Variants in EYS observed in about 807,000 individuals in gnomAD.
The protein encoded by EYS is EGF-like photoreceptor maintenance factor, also known as protein eyes shut homolog.
In EYS, 250 loss-of-function variants were observed where a neutral mutation model predicts 282.1. The observed-to-expected ratio is 0.89, with a 90% CI of 0.80 to 0.98. The LOEUF (loss-of-function observed/expected upper bound fraction) is 0.98. Among genes scored for constraint, EYS ranks in the 50% least tolerant of loss-of-function variants. The pLI is 0.00. For missense variants in EYS, 4,016 were observed against 3,709.0 expected (o/e 1.08, Z -2.15); for synonymous variants, 1,355 against 1,282.9 (o/e 1.06, Z -1.20).
intron 26 of EYS, among the ~76,000 whole-genome samples, chr6:64,553,557 C>T (rs914169669): frequency 7.3e-6 from 1 of 137,102 alleles, no homozygotes; most frequent in African/African-American, 2.7e-5. Context: ...CCCCCCCCCC[C>T]CATAGGCAGT....
At chr6:64,231,790 T>G (rs1766433000) in intron 30 of EYS, among the ~76,000 whole-genome samples, 1 of 152,174 alleles carries the variant, frequency 6.6e-6, no homozygotes, top group Admixed American at 6.5e-5. Context: ...TTTGTTGAAT[T>G]AATGTGTTCA....
chr6:64,949,609 G>T (rs1583322297), intron 14 of EYS, among the ~76,000 whole-genome samples: 1 of 151,812 alleles, frequency 6.6e-6, no homozygotes. Context: ...CTTATTGGGG[G>T]TGTTAATAAC....
chr6:63,762,490 A>G lies in EYS; in HGVS notation c.8042T>C (p.Leu2681Pro). The G allele has an allele frequency of 6.5e-7, 1 of 1,550,232 alleles. No homozygotes were observed. Among genetic ancestry groups the G allele is most frequent in the Non-Finnish European group, 8.7e-7 (1 of 1,145,942 alleles). Reference sequence around the variant, plus strand: ...TTCACAGTAGATTCCAGTGGTTCCTAGAGGACAGAAACAGGTGTATCCATG... The same window carrying G: ...TTCACAGTAGATTCCAGTGGTTCCTGGAGGACAGAAACAGGTGTATCCATG... ...LPHGYTCFCP[L>P]GTTGIYCEQA... The change falls in exon 41 of 43, where the codon CTA becomes CCA. Residue 2681 changes from leucine (L) to proline (P), a missense_variant. Physicochemically the swap from Leu to Pro is moderately conservative, Grantham distance 98. Coordinates refer to ENST00000503581, the MANE Select transcript of EYS (RefSeq NM_001142800.2).
At chr6:65,663,656 T>G (rs1768085678) in intron 1 of EYS, among the ~76,000 whole-genome samples, 1 of 152,058 alleles carries the variant, frequency 6.6e-6, no homozygotes, top group African/African-American at 2.4e-5. Context: ...TGTAGATACA[T>G]CATTAGTAGA....
chr6:65,443,166 G>GTA (rs1218884425), intron 5 of EYS, among the ~76,000 whole-genome samples: 1 of 143,298 alleles, frequency 7.0e-6, no homozygotes, highest in Non-Finnish European at 1.6e-5. Context: ...ACATATATGA[G>GTA]CACATATGTG....
intron 33 of EYS, among the ~76,000 whole-genome samples, chr6:64,054,969 A>G (rs1034395748): frequency 6.6e-6 from 1 of 152,190 alleles, no homozygotes; most frequent in Non-Finnish European, 1.5e-5. Context: ...AAAACTTAAC[A>G]GACACTTATT....
At chr6:64,647,546 A>G (rs1768399212) in intron 22 of EYS, among the ~76,000 whole-genome samples, 1 of 152,204 alleles carries the variant, frequency 6.6e-6, no homozygotes, top group Admixed American at 6.5e-5. Context: ...AATCACTACA[A>G]AGGAAAGATG....
intron 14 of EYS, among the ~76,000 whole-genome samples, chr6:64,958,689 C>A: frequency 7.3e-6 from 1 of 136,136 alleles, no homozygotes; most frequent in Non-Finnish European, 1.5e-5. Context: ...GAGCGGAGAT[C>A]GCGCCACAGC....
intron 12 of EYS, among the ~76,000 whole-genome samples, chr6:65,114,645 T>C (rs1268622149): frequency 6.6e-6 from 1 of 151,906 alleles, no homozygotes; most frequent in Non-Finnish European, 1.5e-5. Context: ...CTTTCTTGGA[T>C]ACCATTCTTT....
At chr6:64,833,773 C>T (rs558366182) in intron 19 of EYS, among the ~76,000 whole-genome samples, 1 of 151,822 alleles carries the variant, frequency 6.6e-6, no homozygotes, top group South Asian at 2.1e-4. Flanking sequence ...GCACTGAAAT[C>T]TTTCTTTTAT....
intron 2 of EYS, among the ~76,000 whole-genome samples, chr6:65,569,726 C>A (rs191517463): frequency 9.9e-5 from 15 of 152,218 alleles, no homozygotes; most frequent in Non-Finnish European, 1.5e-4. Context: ...AGCTTTGATT[C>A]CCTCTGATTT....
intron 31 of EYS, among the ~76,000 whole-genome samples, chr6:64,173,971 T>C (rs1056355822): frequency 2.0e-5 from 3 of 152,156 alleles, no homozygotes; most frequent in African/African-American, 7.2e-5. Flanking sequence ...ATATATATGA[T>C]GAAGCATTAT....
intron 5 of EYS, among the ~76,000 whole-genome samples, chr6:65,464,561 T>C (rs954551919): frequency 1.3e-5 from 2 of 152,152 alleles, no homozygotes; most frequent in African/African-American, 4.8e-5. Context: ...TCTCATCATC[T>C]AAAAGAAAGT....
chr6:65,477,782 T>C (rs1765464647), intron 5 of EYS, among the ~76,000 whole-genome samples: 2 of 152,200 alleles, frequency 1.3e-5, no homozygotes, highest in Admixed American at 1.3e-4. Context: ...ATTTCATTTT[T>C]AAGAAATGAT....
At position 65,495,025 on chromosome 6, in the gene EYS, C is replaced by A. The variant is rs1224551754; in HGVS notation, c.386G>T (p.Arg129Ile). ...TTEDQLLFGC[R>I]LKGMHTVNSK... ...ATTAACAGTGTGCATTCCTTTTAGT[C>A]TGCAGCCAAAAAGTAACTGATCTTC... Residue 129 changes from arginine (R) to isoleucine (I), a missense_variant, in exon 4 of 43, where the codon AGA (arginine) becomes ATA (isoleucine). Physicochemically the swap from Arg to Ile is moderately conservative, Grantham distance 97. Coordinates refer to ENST00000503581, the MANE Select transcript of EYS (RefSeq NM_001142800.2). The A allele has an allele frequency of 2.5e-6, 4 of 1,614,092 alleles. No homozygotes were observed. The highest frequency in any genetic ancestry group is 2.2e-5 in the East Asian group (1 of 44,888).
At chr6:65,277,388 A>G (rs1479288134) in intron 12 of EYS, among the ~76,000 whole-genome samples, 2 of 150,994 alleles carry the variant, frequency 1.3e-5, no homozygotes, top group Non-Finnish European at 3.0e-5. Flanking sequence ...AGCTGAGATC[A>G]TGCCACTGCA....
At chr6:63,987,667 A>AC (rs1767430285) in intron 34 of EYS, among the ~76,000 whole-genome samples, 1 of 151,664 alleles carries the variant, frequency 6.6e-6, no homozygotes, top group Admixed American at 6.6e-5. Context: ...AATTCCCAAA[A>AC]CACACATTCA....
chr6:64,906,529 A>G (rs1421144741), intron 16 of EYS, among the ~76,000 whole-genome samples: 1 of 152,214 alleles, frequency 6.6e-6, no homozygotes, highest in African/African-American at 2.4e-5. Context: ...GTAATGTGGA[A>G]TTAACATAAT....
At chr6:65,417,725 A>G (rs1349545777) in intron 5 of EYS, among the ~76,000 whole-genome samples, 2 of 152,070 alleles carry the variant, frequency 1.3e-5, no homozygotes, top group African/African-American at 2.4e-5. Flanking sequence ...GTAATAATGC[A>G]GCAACTTTTA....
Sources: allele counts gnomAD v4.1 joint callset (sites outside exome capture counted in the v4.1 genomes callset), GRCh38; gene constraint gnomAD v4.1.1; transcripts MANE v1.5; gene names NCBI Gene and HGNC (gene_info 2026-07-23, HGNC 2026-07-21).